Variants in PDE9A observed in about 807,000 individuals in gnomAD.
PDE9A encodes the protein high affinity cGMP-specific 3',5'-cyclic phosphodiesterase 9A.
A neutral mutation model predicts 87.4 loss-of-function variants in PDE9A; 60 were observed. The observed-to-expected ratio is 0.69, with a 90% CI of 0.56 to 0.85. The LOEUF (loss-of-function observed/expected upper bound fraction) is 0.85. Among genes scored for constraint, PDE9A ranks in the 40% least tolerant of loss-of-function variants. The probability of loss-of-function intolerance (pLI) is 0.00; values close to 1 mark genes in which losing one functional copy is unlikely to be tolerated. For missense variants in PDE9A, 665 were observed against 779.0 expected (o/e 0.85, Z 1.74); for synonymous variants, 272 against 279.4 (o/e 0.97, Z 0.27).
rs2058802062 is a variant in PDE9A, at chr21:42,675,564, C to A, written c.70-10628C>A. ...AGTCAAAGGGCACAAATACCGCCAACCTGCTTTCCGACAGCGCTGTGTGGA... is the reference window on the plus strand; with the variant it reads ...AGTCAAAGGGCACAAATACCGCCAAACTGCTTTCCGACAGCGCTGTGTGGA... On this transcript the variant is annotated intron_variant, in intron 1 of 19. Transcript: ENST00000291539. This position sits in a 1 kb window ranked among gnomAD's most constrained non-coding sequence, Gnocchi z 4.3. 6.6e-6 allele frequency among the ~76,000 whole-genome samples: 1 copy of A among 152,270 alleles called. No homozygotes were observed. Among genetic ancestry groups the A allele is most frequent in the African/African-American group, 2.4e-5 (1 of 41,476 alleles).
intron 3 of PDE9A, among the ~76,000 whole-genome samples, chr21:42,688,387 C>G (rs1046415130): frequency 1.3e-5 from 2 of 152,150 alleles, no homozygotes; most frequent in African/African-American, 4.8e-5. Flanking sequence ...CCACTTAGGG[C>G]CGGTCTCTGT....
chr21:42,748,241 C>T (rs753211650), intron 8 of PDE9A, among the ~76,000 whole-genome samples: 1 of 152,130 alleles, frequency 6.6e-6, no homozygotes, highest in African/African-American at 2.4e-5. Context: ...AGAAAACGTT[C>T]GTTACTTCTC....
intron 5 of PDE9A, 37 bp from the exon 6 acceptor site, chr21:42,732,033 G>A (rs1266992850): frequency 2.5e-6 from 4 of 1,613,460 alleles, no homozygotes; most frequent in African/African-American, 1.3e-5. Context: ...TTTTCCTCTT[G>A]TCCGTGTTCC....
At chr21:42,691,013 C>T (rs1485673611) in intron 3 of PDE9A, among the ~76,000 whole-genome samples, 2 of 151,488 alleles carry the variant, frequency 1.3e-5, no homozygotes, top group African/African-American at 4.9e-5. Flanking sequence ...CTATCACCAT[C>T]CAAAGTCACC....
intron 7 of PDE9A, among the ~76,000 whole-genome samples, chr21:42,738,426 G>A (rs1407219616): frequency 3.3e-5 from 5 of 152,134 alleles, no homozygotes; most frequent in African/African-American, 4.8e-5. Flanking sequence ...CCAGGTTCCC[G>A]GCCTCTTGCT....
chr21:42,756,665 C>G (rs568118342), intron 10 of PDE9A: 3 of 152,130 alleles, frequency 2.0e-5, no homozygotes, highest in African/African-American at 7.3e-5. Context: ...GGCTGTGGCC[C>G]GTGAGCATGG....
At chr21:42,731,422 G>C (rs2051727819) in intron 4 of PDE9A, among the ~76,000 whole-genome samples, 1 of 152,180 alleles carries the variant, frequency 6.6e-6, no homozygotes, top group South Asian at 2.1e-4. Context: ...TCCTTAGAAT[G>C]TCACCTTGCT....
chr21:42,683,525 T>C (rs2059282259), intron 1 of PDE9A, among the ~76,000 whole-genome samples: 1 of 151,666 alleles, frequency 6.6e-6, no homozygotes, highest in Admixed American at 6.6e-5. Context: ...GTCCCAGGAG[T>C]AAGAAGCAGT....
At chr21:42,700,485 G>C (rs180715533) in intron 4 of PDE9A, among the ~76,000 whole-genome samples, 1 of 152,188 alleles carries the variant, frequency 6.6e-6, no homozygotes, top group East Asian at 1.9e-4. Context: ...CCCAGTCTGG[G>C]TTTGTCTGAC....
intron 4 of PDE9A, among the ~76,000 whole-genome samples, chr21:42,710,180 G>T (rs566128061): frequency 5.3e-5 from 8 of 152,202 alleles, no homozygotes; most frequent in Middle Eastern, 6.8e-3. Flanking sequence ...GGCCGAGGCG[G>T]GCGGATCACT....
intron 4 of PDE9A, among the ~76,000 whole-genome samples, chr21:42,711,142 C>T (rs952163217): frequency 9.9e-5 from 15 of 152,042 alleles, no homozygotes; most frequent in African/African-American, 1.4e-4. Flanking sequence ...TTGCCTTTTT[C>T]GTTTTCTTAA....
intron 17 of PDE9A, 39 bp from the exon 18 acceptor site, chr21:42,770,661 TAAG>T: frequency 1.3e-6 from 2 of 1,509,788 alleles, no homozygotes; most frequent in Non-Finnish European, 1.8e-6. Context: ...CCCATTGCCT[TAAG>T]AACGAGGGAC....
At chr21:42,732,663 C>T (rs551053406) in intron 6 of PDE9A, among the ~76,000 whole-genome samples, 2 of 152,150 alleles carry the variant, frequency 1.3e-5, no homozygotes, top group South Asian at 2.1e-4. Flanking sequence ...GCCTGTAATC[C>T]CAGCACTTTG....
At chr21:42,700,863 C>T (rs1236493100) in intron 4 of PDE9A, 1 of 152,210 alleles carries the variant, frequency 6.6e-6, no homozygotes, top group Non-Finnish European at 1.5e-5. Flanking sequence ...ACCATCTTGA[C>T]TACCGTAGAT....
chr21:42,707,260 G>A (rs972940506), intron 4 of PDE9A, among the ~76,000 whole-genome samples: 3 of 152,188 alleles, frequency 2.0e-5, no homozygotes, highest in Non-Finnish European at 4.4e-5. Flanking sequence ...CGGATGCTGC[G>A]GGTGTGCCAG....
chr21:42,676,063 G>A (rs547090897), intron 1 of PDE9A, among the ~76,000 whole-genome samples: 12 of 152,230 alleles, frequency 7.9e-5, no homozygotes, highest in South Asian at 2.1e-4. Context: ...GGGTGTGCAC[G>A]CCTCCCTTCA....
intron 18 of PDE9A, among the ~76,000 whole-genome samples, chr21:42,771,666 A>G (rs868354571): frequency 6.6e-6 from 1 of 152,286 alleles, no homozygotes; most frequent in South Asian, 2.1e-4. Context: ...GTGGCCCACA[A>G]TGCCCTTTTG....
chr21:42,707,015 AC>A (rs2048899479), intron 4 of PDE9A, among the ~76,000 whole-genome samples: 1 of 152,032 alleles, frequency 6.6e-6, no homozygotes, highest in Non-Finnish European at 1.5e-5. Context: ...TGGCTACGTC[AC>A]GTTTGGTTGA....
At chr21:42,691,035 CATCACT>C (rs1299882847) in intron 3 of PDE9A, among the ~76,000 whole-genome samples, 1 of 151,410 alleles carries the variant, frequency 6.6e-6, no homozygotes, top group Non-Finnish European at 1.5e-5. Flanking sequence ...GCCCCATCAC[CATCACT>C]ATCCAGAGTC....
Sources: gnomAD v4.1 joint callset for allele counts (sites outside exome capture counted in the v4.1 genomes callset) on GRCh38, gnomAD v4.1.1 for gene constraint, Gnocchi (gnomAD v3.1) non-coding constraint, MANE v1.5 for transcripts, NCBI Gene and HGNC (gene_info 2026-07-23, HGNC 2026-07-21) for gene names.